Variants in ANKRD44 observed in about 807,000 individuals in gnomAD.
ANKRD44 encodes the protein ankyrin repeat domain 44.
A neutral mutation model predicts 116.0 loss-of-function variants in ANKRD44; 35 were observed. That is an observed-to-expected ratio of 0.30 (90% confidence interval 0.23 to 0.40). The LOEUF (loss-of-function observed/expected upper bound fraction) is 0.40, where lower values mean the gene tolerates loss of function less well. Ranked by LOEUF, ANKRD44 falls within the 10% of genes least tolerant of loss-of-function variation. The pLI, the probability that ANKRD44 is intolerant of heterozygous loss-of-function variation, is 1.00. For synonymous variants in ANKRD44, 435 were observed against 461.8 expected (o/e 0.94, Z 0.74); for missense variants, 1,014 against 1,242.6 (o/e 0.82, Z 2.77).
intron 1 of ANKRD44, chr2:197,263,376 TG>T: frequency 1.6e-6 from 1 of 624,156 alleles, no homozygotes; most frequent in South Asian, 1.7e-5. Flanking sequence ...GCTCTGGGGC[TG>T]GGATTGCGAC....
chr2:197,015,918 G>A, intron 17 of ANKRD44: 2 of 530,086 alleles, frequency 3.8e-6, no homozygotes, highest in Non-Finnish European at 7.3e-6. Context: ...TTGGATCCAT[G>A]AAAGGGGGTA....
chr2:197,221,897 C>T (rs140846076), intron 1 of ANKRD44, among the ~76,000 whole-genome samples: 1 of 152,286 alleles, frequency 6.6e-6, no homozygotes, highest in African/African-American at 2.4e-5. Flanking sequence ...GGTGGGAAGG[C>T]TGGGCTCTGG....
At chr2:197,015,764 C>T in intron 17 of ANKRD44, 1 of 507,218 alleles carries the variant, frequency 2.0e-6, no homozygotes, top group East Asian at 3.8e-5. Context: ...GGTGGTGGAC[C>T]AGGATATAGA....
chr2:197,066,181 A>G (rs2077429457), intron 16 of ANKRD44, among the ~76,000 whole-genome samples: 1 of 152,230 alleles, frequency 6.6e-6, no homozygotes, highest in Non-Finnish European at 1.5e-5. Flanking sequence ...AGAACTAAAG[A>G]CAAAAACCAC....
At chr2:197,023,119 G>T (rs888764873) in intron 17 of ANKRD44, among the ~76,000 whole-genome samples, 1 of 152,204 alleles carries the variant, frequency 6.6e-6, no homozygotes, top group Non-Finnish European at 1.5e-5. Flanking sequence ...TAGTAATGAT[G>T]ACGATGAAGC....
intron 1 of ANKRD44, among the ~76,000 whole-genome samples, chr2:197,300,790 T>A (rs2083883877): frequency 2.8e-5 from 4 of 145,252 alleles, no homozygotes. Context: ...TGAGACAGAG[T>A]TTCACTCTTG....
chr2:197,192,781 G>C (rs1278305379), intron 1 of ANKRD44, among the ~76,000 whole-genome samples: 1 of 152,150 alleles, frequency 6.6e-6, no homozygotes, highest in African/African-American at 2.4e-5. Flanking sequence ...CCCTTTACTT[G>C]AGAAGTTCAC....
intron 1 of ANKRD44, among the ~76,000 whole-genome samples, chr2:197,205,847 G>A (rs537071945): frequency 6.6e-6 from 1 of 152,296 alleles, no homozygotes; most frequent in African/African-American, 2.4e-5. Context: ...CTGGGGAAAA[G>A]AGATTCCTAG....
In ANKRD44 at chr2:197,121,477, A is replaced by G. The variant is rs1427978367; in HGVS notation, c.761T>C (p.Val254Ala). 1 of 1,614,126 alleles carries G rather than the reference A, an allele frequency of 6.2e-7. No individual in the cohort carries two copies. Among genetic ancestry groups the G allele is most frequent in the East Asian group, 2.2e-5 (1 of 44,898 alleles). The change falls in exon 8 of 28, where the codon GTG becomes GCG. Residue 254 changes from valine (V) to alanine (A), a missense_variant. Transcript: ENST00000282272. ...HIACYNGQDA[V>A]VNELIDYGAN... is the part of the protein sequence containing the mutation. ...ACCGTAGTCAATCAACTCGTTAACC[A>G]CAGCATCCTGTCCATTGTAGCAGGC...
At chr2:197,009,780 T>G in intron 18 of ANKRD44, among the ~76,000 whole-genome samples, 1 of 152,212 alleles carries the variant, frequency 6.6e-6, no homozygotes, top group Admixed American at 6.5e-5. Flanking sequence ...TGTGTTAATC[T>G]GTCTTCCCCC....
chr2:197,128,790 A>T (rs2079033466), intron 4 of ANKRD44, among the ~76,000 whole-genome samples: 1 of 152,180 alleles, frequency 6.6e-6, no homozygotes, highest in Admixed American at 6.5e-5. Context: ...TTAAGTCTTT[A>T]ATCCATCAAG....
intron 2 of ANKRD44, among the ~76,000 whole-genome samples, chr2:197,172,664 A>T (rs1272746082): frequency 6.6e-6 from 1 of 152,142 alleles, no homozygotes; most frequent in African/African-American, 2.4e-5. Flanking sequence ...TCCCAAGGTC[A>T]AGCAATTCTT....
At position 197,042,571 on chromosome 2, in the gene ANKRD44, G is replaced by A. The variant is rs145795238; in HGVS notation, c.1651-17304C>T. Among the ~76,000 whole-genome samples, 36 of 150,704 alleles carry A rather than the reference G, an allele frequency of 2.4e-4. 1 individual carries two copies. The highest frequency in any genetic ancestry group is 1.4e-3 in the East Asian group (7 of 5,120). On this transcript the variant is annotated intron_variant, in intron 16 of 27. Coordinates refer to ENST00000282272, the MANE Select transcript of ANKRD44 (RefSeq NM_001195144.2). ...ATATTTAAAGAACTACCTGTCTCTC[G>A]GGGAAGACAGGCATTCTGCTTCCTA... is the stretch of plus-strand genomic sequence containing the variant.
intron 16 of ANKRD44, among the ~76,000 whole-genome samples, chr2:197,027,680 A>ATTTT (rs34502554): frequency 7.9e-6 from 1 of 125,904 alleles, no homozygotes; most frequent in African/African-American, 3.0e-5. Flanking sequence ...ATGCCTGAGA[A>ATTTT]TTTTTTTTTT....
intron 2 of ANKRD44, among the ~76,000 whole-genome samples, chr2:197,178,555 G>GA (rs2080425459): frequency 1.3e-5 from 2 of 152,014 alleles, no homozygotes; most frequent in South Asian, 4.1e-4. Context: ...GTGAGGTTGA[G>GA]AAAAAGATAA....
chr2:197,010,284 G>A (rs1043713275), intron 18 of ANKRD44, among the ~76,000 whole-genome samples: 2 of 152,074 alleles, frequency 1.3e-5, no homozygotes, highest in African/African-American at 2.4e-5. Flanking sequence ...GTTGAGTGAC[G>A]GTCCCTCAGC....
intron 10 of ANKRD44, among the ~76,000 whole-genome samples, chr2:197,093,475 G>T (rs748123334): frequency 9.2e-5 from 14 of 151,968 alleles, no homozygotes; most frequent in Non-Finnish European, 2.1e-4. Flanking sequence ...GATTTAAAAG[G>T]TCTAGTAAAA....
chr2:197,132,233 T>G (rs1428931546), intron 4 of ANKRD44, among the ~76,000 whole-genome samples: 1 of 151,846 alleles, frequency 6.6e-6, no homozygotes, highest in Admixed American at 6.6e-5. Context: ...AGGTTGGGGG[T>G]AGGAAAGGGT....
chr2:197,191,185 A>G (rs1308619704), intron 1 of ANKRD44, among the ~76,000 whole-genome samples: 2 of 152,214 alleles, frequency 1.3e-5, no homozygotes, highest in African/African-American at 2.4e-5. Context: ...TGGTAGATTC[A>G]GAAGACAGAA....
Sources: allele counts gnomAD v4.1 joint callset (sites outside exome capture counted in the v4.1 genomes callset), GRCh38; gene constraint gnomAD v4.1.1; transcripts MANE v1.5; gene names NCBI Gene and HGNC (gene_info 2026-07-23, HGNC 2026-07-21).